Variants in NXPE2 observed in about 807,000 individuals in gnomAD.
NXPE2 encodes the protein neurexophilin and PC-esterase domain family member 2, also known as NXPE family member 2.
NXPE2 carries 34 observed loss-of-function variants against 34.4 expected under a neutral mutation model. The ratio of observed to expected loss-of-function variants is 0.99; its 90% CI spans 0.75 to 1.31. The LOEUF (loss-of-function observed/expected upper bound fraction) is 1.31. NXPE2 is among the 40% of genes most tolerant of loss of function. The probability of loss-of-function intolerance (pLI) is 0.00; values close to 1 mark genes in which losing one functional copy is unlikely to be tolerated. For missense variants in NXPE2, 649 were observed against 672.5 expected, an observed-to-expected ratio of 0.97 and a Z score of 0.39; for synonymous variants, 235 against 231.3, an observed-to-expected ratio of 1.02 and a Z score of -0.15.
At chr11:114,716,454 A>G in the NXPE2 span, among the ~76,000 whole-genome samples, 1 of 152,150 alleles carries the variant, frequency 6.6e-6, no homozygotes, top group Non-Finnish European at 1.5e-5. Context: ...ATAGGTGGGT[A>G]TGTTTCCTGT....
At chr11:114,662,336 G>C in the NXPE2 span, among the ~76,000 whole-genome samples, 1 of 152,260 alleles carries the variant, frequency 6.6e-6, no homozygotes, top group Admixed American at 6.5e-5. Flanking sequence ...CCCACAGATA[G>C]AGCATTTAAA....
chr11:114,583,975 C>A, the NXPE2 span: 1 of 375,120 alleles, frequency 2.7e-6, no homozygotes, highest in Non-Finnish European at 5.2e-6. Flanking sequence ...AGGCCATTTT[C>A]AAACTGGTCA....
the NXPE2 span, among the ~76,000 whole-genome samples, chr11:114,560,974 T>C: frequency 6.6e-6 from 1 of 152,192 alleles, no homozygotes; most frequent in Non-Finnish European, 1.5e-5. Flanking sequence ...TGCTGAATAA[T>C]ATTTTACTGA....
chr11:114,719,178 C>T, the NXPE2 span, among the ~76,000 whole-genome samples: 1 of 152,020 alleles, frequency 6.6e-6, no homozygotes, highest in Non-Finnish European at 1.5e-5. Context: ...GTCGTGTAGT[C>T]AGTGTATCTT....
At chr11:114,543,750 G>C in the NXPE2 span, among the ~76,000 whole-genome samples, 2 of 151,592 alleles carry the variant, frequency 1.3e-5, no homozygotes, top group Non-Finnish European at 1.5e-5. Context: ...AAAACAAGAA[G>C]GAAAAATAAG....
the NXPE2 span, among the ~76,000 whole-genome samples, chr11:114,637,236 T>C: frequency 1.3e-5 from 2 of 151,850 alleles, no homozygotes; most frequent in South Asian, 4.2e-4. Flanking sequence ...TTTGTCTCTT[T>C]TGATCTTTGT....
At chr11:114,709,356 C>T (rs2135579132), downstream of NXPE2, among the ~76,000 whole-genome samples, 1 of 152,162 alleles carries the variant, frequency 6.6e-6, no homozygotes, top group Non-Finnish European at 1.5e-5. Context: ...AAAAAATCAC[C>T]AAATGTTGGT....
chr11:114,641,241 A>G, the NXPE2 span, among the ~76,000 whole-genome samples: 1 of 152,022 alleles, frequency 6.6e-6, no homozygotes, highest in Admixed American at 6.6e-5. Context: ...GTTTAAAAAT[A>G]TGGAGGAAAG....
the NXPE2 span, among the ~76,000 whole-genome samples, chr11:114,581,510 T>G: frequency 7.9e-5 from 12 of 152,174 alleles, no homozygotes; most frequent in African/African-American, 2.9e-4. Flanking sequence ...ACAAATAGAC[T>G]GATGATGAGA....
At chr11:114,565,681 G>C in the NXPE2 span, among the ~76,000 whole-genome samples, 104 of 152,176 alleles carry the variant, frequency 6.8e-4, no homozygotes, top group African/African-American at 2.3e-3. Context: ...GGAATGACAG[G>C]AAAGACTCAT....
chr11:114,694,904 G>A (rs538591639), intron 2 of NXPE2, among the ~76,000 whole-genome samples: 1 of 151,682 alleles, frequency 6.6e-6, no homozygotes, highest in South Asian at 2.1e-4. Context: ...TTAAATTTCT[G>A]GTCTGATAAT....
At chr11:114,608,486 A>G in the NXPE2 span, among the ~76,000 whole-genome samples, 4 of 148,652 alleles carry the variant, frequency 2.7e-5, no homozygotes, top group Middle Eastern at 3.8e-3. Context: ...TGGGTAATCA[A>G]TGTTACCTGG....
At chr11:114,769,121 A>AC in the NXPE2 span, among the ~76,000 whole-genome samples, 2 of 152,144 alleles carry the variant, frequency 1.3e-5, no homozygotes, top group African/African-American at 4.8e-5. Flanking sequence ...AAGAAAAAAA[A>AC]ACAACCCCAT....
At chr11:114,659,502 A>G in the NXPE2 span, among the ~76,000 whole-genome samples, 1 of 150,174 alleles carries the variant, frequency 6.7e-6, no homozygotes, top group Non-Finnish European at 1.5e-5. Flanking sequence ...GTGAAATAAT[A>G]TCAAGTGGTC....
the NXPE2 span, among the ~76,000 whole-genome samples, chr11:114,598,794 A>T: frequency 6.6e-6 from 1 of 151,720 alleles, no homozygotes. Flanking sequence ...CAGGTCTGTG[A>T]TGGGAGAGGC....
the NXPE2 span, among the ~76,000 whole-genome samples, chr11:114,468,131 TAAAA>T: frequency 0.011 from 1,502 of 135,718 alleles, 8 homozygotes; most frequent in African/African-American, 0.018. Context: ...GCTGATGAGC[TAAAA>T]AAAAAAAAAA....
the NXPE2 span, among the ~76,000 whole-genome samples, chr11:114,506,193 A>G: frequency 6.6e-6 from 1 of 152,252 alleles, no homozygotes; most frequent in East Asian, 1.9e-4. Context: ...CAACTTAAAT[A>G]CATATACACC....
the NXPE2 span, among the ~76,000 whole-genome samples, chr11:114,619,599 G>A: frequency 6.9e-6 from 1 of 144,394 alleles, no homozygotes; most frequent in Admixed American, 6.9e-5. Flanking sequence ...GGTAACCAGT[G>A]CTTCCCAGTG....
the NXPE2 span, among the ~76,000 whole-genome samples, chr11:114,639,494 GGCAC>G: frequency 6.6e-6 from 1 of 151,458 alleles, no homozygotes; most frequent in Admixed American, 6.6e-5. Context: ...CCCACTGTCT[GGCAC>G]TCCCTAGTGA....
Sources: allele counts gnomAD v4.1 joint callset (sites outside exome capture counted in the v4.1 genomes callset), GRCh38; gene constraint gnomAD v4.1.1; transcripts MANE v1.5; gene names NCBI Gene and HGNC (gene_info 2026-07-23, HGNC 2026-07-21).